Variants in KNTC1 observed in about 807,000 individuals in gnomAD.
The protein encoded by KNTC1 is kinetochore-associated protein 1.
A neutral mutation model predicts 314.4 loss-of-function variants in KNTC1; 253 were observed. That is an observed-to-expected ratio of 0.80 (90% CI 0.73 to 0.89). The LOEUF is 0.89. Among genes scored for constraint, KNTC1 ranks in the 40% least tolerant of loss-of-function variants. The probability of loss-of-function intolerance (pLI) is 0.00; values close to 1 mark genes in which losing one functional copy is unlikely to be tolerated. For missense variants in KNTC1, 2,475 were observed against 2,572.9 expected, an observed-to-expected ratio of 0.96 and a Z score of 0.82; for synonymous variants, 901 against 901.4, an observed-to-expected ratio of 1.00 and a Z score of 0.01.
chr12:122,595,016 C>T (rs1870839766), intron 43 of KNTC1, among the ~76,000 whole-genome samples: 1 of 152,174 alleles, frequency 6.6e-6, no homozygotes, highest in African/African-American at 2.4e-5. Context: ...GCTGGAATTA[C>T]AGGCATGCAC....
At chr12:122,550,490 T>G (rs1230709338) in intron 13 of KNTC1, among the ~76,000 whole-genome samples, 2 of 151,162 alleles carry the variant, frequency 1.3e-5, no homozygotes, top group Non-Finnish European at 2.9e-5. Flanking sequence ...CAAATTTAGG[T>G]CTCTGTGTTT....
intron 44 of KNTC1, among the ~76,000 whole-genome samples, chr12:122,598,813 CT>C (rs879566345): frequency 0.014 from 2,032 of 141,852 alleles, 18 homozygotes; most frequent in African/African-American, 0.032. Flanking sequence ...GACATTTAAA[CT>C]TTTTTTTTTT....
chr12:122,617,004 C>T (rs191755081), intron 57 of KNTC1, among the ~76,000 whole-genome samples: 67 of 152,262 alleles, frequency 4.4e-4, no homozygotes, highest in African/African-American at 1.2e-3. Context: ...ATTTTGTGTC[C>T]GGCTTCTTTC....
intron 16 of KNTC1, among the ~76,000 whole-genome samples, chr12:122,555,666 G>A (rs1269837050): frequency 6.6e-6 from 1 of 152,094 alleles, no homozygotes; most frequent in Non-Finnish European, 1.5e-5. Flanking sequence ...TGGCTAACAC[G>A]ATGAAACTCC....
chr12:122,545,165 C>T (rs539209892), intron 8 of KNTC1, among the ~76,000 whole-genome samples: 1 of 152,196 alleles, frequency 6.6e-6, no homozygotes, highest in South Asian at 2.1e-4. Context: ...GGGAAAATAC[C>T]TAATGTTATA....
intron 31 of KNTC1, among the ~76,000 whole-genome samples, chr12:122,579,022 A>G (rs1965214662): frequency 9.8e-6 from 1 of 102,456 alleles, no homozygotes; most frequent in Non-Finnish European, 2.0e-5. Context: ...CATAGTCTGT[A>G]TTCTTTTTTT....
At chr12:122,569,653 TC>T in intron 21 of KNTC1, 27 bp from the exon 22 acceptor site, 1 of 1,589,410 alleles carries the variant, frequency 6.3e-7, no homozygotes, top group South Asian at 1.1e-5. Flanking sequence ...ATTTGTCAGA[TC>T]TTAATTTCTC....
At chr12:122,562,024 A>G in intron 19 of KNTC1, 50 bp downstream of exon 19, 1 of 1,536,924 alleles carries the variant, frequency 6.5e-7, no homozygotes, top group Non-Finnish European at 8.9e-7. Flanking sequence ...ATACCTTTAT[A>G]ATATGTTTTC....
chr12:122,615,399 A>C (rs944182809), intron 56 of KNTC1, 71 bp from the exon 57 acceptor site: 5 of 1,257,128 alleles, frequency 4.0e-6, no homozygotes, highest in Middle Eastern at 2.7e-4. Flanking sequence ...GAACTTTAAC[A>C]TCTGGTATTT....
Position 122,614,976 on chromosome 12 carries a change from T to G in KNTC1, c.5878-15T>G, listed in dbSNP as rs1490919691. 1.3e-6 allele frequency: 2 copies of G among 1,591,426 alleles called. No individual in the cohort carries two copies. Among genetic ancestry groups the G allele is most frequent in the Non-Finnish European group, 1.7e-6 (2 of 1,164,194 alleles). ...GTCTTGGAATAGCATGATTTTTTTC[T>G]TTTTTTGGCTTCAGGCAGTAAGATT... is the stretch of plus-strand genomic sequence containing the variant. On this transcript the variant is annotated splice_polypyrimidine_tract_variant and intron_variant, in intron 55 of 63. Transcript: ENST00000333479.
intron 2 of KNTC1, among the ~76,000 whole-genome samples, chr12:122,530,580 A>G (rs551960189): frequency 2.6e-5 from 4 of 151,726 alleles, no homozygotes; most frequent in Admixed American, 2.0e-4. Flanking sequence ...CCTCCCAAGT[A>G]GCTGAGATTA....
chr12:122,570,487 A>G (rs1470374100), intron 22 of KNTC1, among the ~76,000 whole-genome samples: 1 of 151,466 alleles, frequency 6.6e-6, no homozygotes, highest in African/African-American at 2.4e-5. Flanking sequence ...GAGATCCAGC[A>G]TGGGTGATGA....
rs1817453543 is a variant in KNTC1 at position 122,618,467 on chromosome 12, T to C, written c.6086-15T>C. The C allele has an allele frequency of 6.2e-7, 1 of 1,608,862 alleles. No individual in the cohort carries two copies. The highest frequency in any genetic ancestry group is 8.5e-7 in the Non-Finnish European group (1 of 1,177,222). ...GTGTGTGTATATCATGGTTGTTTTTTTGTTTTGTTTTCAGCCTCTTGTCCT... is the reference window on the plus strand; with the variant it reads ...GTGTGTGTATATCATGGTTGTTTTTCTGTTTTGTTTTCAGCCTCTTGTCCT... On this transcript the variant is annotated splice_polypyrimidine_tract_variant and intron_variant, in intron 58 of 63. Transcript: ENST00000333479.
intron 51 of KNTC1, among the ~76,000 whole-genome samples, chr12:122,607,795 A>T (rs1258395345): frequency 6.6e-6 from 1 of 152,204 alleles, no homozygotes; most frequent in East Asian, 1.9e-4. Flanking sequence ...GTTGGTTTAT[A>T]AAATATTTCA....
chr12:122,562,576 T>A, intron 19 of KNTC1, 62 bp from the exon 20 acceptor site: 1 of 1,000,002 alleles, frequency 1.0e-6, no homozygotes. Context: ...GATTCATTTT[T>A]AATGTTTTAA....
chr12:122,576,975 A>G lies in KNTC1; in HGVS notation c.2667A>G (p.Leu889=). 1 of 1,596,122 alleles carries G rather than the reference A, an allele frequency of 6.3e-7. No individual in the cohort carries two copies. Among genetic ancestry groups the G allele is most frequent in the Non-Finnish European group, 8.5e-7 (1 of 1,169,924 alleles). Residue 889 remains leucine, a synonymous_variant, in exon 30 of 64, where the codon TTA becomes TTG. Transcript: ENST00000333479. ...TAAAGGTAGCCCAAGCGTTTATGTT[A>G]TCTGATGATGAGATCTACAGTCTAA... ...DALKVAQAFM[L]SDDEIYSLRI...
Position 122,604,878 on chromosome 12 carries a change from A to G in KNTC1, c.5177A>G (p.Asp1726Gly). 1 of 1,597,380 alleles carries G rather than the reference A, an allele frequency of 6.3e-7. No homozygotes were observed. Among genetic ancestry groups the G allele is most frequent in the South Asian group, 1.1e-5 (1 of 88,518 alleles). ...TTTTTGCTTGGAATTGTTTAAAAGG[A>G]CGAAAAACGTGAAAAAGCCGAGGCT... ...ERWLQNIPSQ[D>G]EKREKAEALL... The change falls in exon 50 of 64, where the codon GAC becomes GGC. Residue 1726 changes from aspartate to glycine, a missense_variant and splice_region_variant. Transcript: ENST00000333479.
chr12:122,598,061 T>G, intron 44 of KNTC1, 123 bp downstream of exon 44: 1 of 696,068 alleles, frequency 1.4e-6, no homozygotes, highest in South Asian at 2.0e-5. Flanking sequence ...ATTTGAAATA[T>G]TCTCTTGATT....
At chr12:122,578,963 T>C (rs1361042067) in intron 31 of KNTC1, among the ~76,000 whole-genome samples, 1 of 150,140 alleles carries the variant, frequency 6.7e-6, no homozygotes, top group Non-Finnish European at 1.5e-5. Flanking sequence ...ATGACTTTTT[T>C]CCAAGGTTGT....
Sources: allele counts gnomAD v4.1 joint callset (sites outside exome capture counted in the v4.1 genomes callset), GRCh38; gene constraint gnomAD v4.1.1; transcripts MANE v1.5; gene names NCBI Gene and HGNC (gene_info 2026-07-23, HGNC 2026-07-21).